CSMD1: variants seen among roughly 807,000 people sequenced by gnomAD.
The protein encoded by CSMD1 is CUB and Sushi multiple domains 1, also known as CUB and sushi domain-containing protein 1.
CSMD1 carries 213 observed loss-of-function variants against 417.5 expected under a neutral mutation model. That is an observed-to-expected ratio of 0.51 (90% CI 0.46 to 0.57). The LOEUF (loss-of-function observed/expected upper bound fraction) is 0.57, where lower values mean the gene tolerates loss of function less well. Among genes scored for constraint, CSMD1 ranks in the 20% least tolerant of loss-of-function variants. CSMD1 has a pLI of 0.00. For synonymous variants in CSMD1, 2,862 were observed against 1,736.8 expected (o/e 1.65, Z -16.11); for missense variants, 6,923 against 4,529.7 (o/e 1.53, Z -15.17).
Position 2,938,736 on chromosome 8 carries a change from G to A in CSMD1, c.10544C>T (p.Pro3515Leu). 1 of 1,607,052 alleles carries A rather than the reference G, an allele frequency of 6.2e-7. No individual in the cohort carries two copies. Among genetic ancestry groups the A allele is most frequent in the Non-Finnish European group, 8.5e-7 (1 of 1,176,438 alleles). The change falls in exon 70 of 70, where the codon CCA becomes CTA. Residue 3515 changes from proline to leucine, a missense_variant. Pro to Leu is a moderately conservative substitution (Grantham distance 98). Transcript: ENST00000635120. The part of the protein sequence containing the change: ...AFYLYKHRTR[P>L]KVQYNGYAGH... ...AGCATAGCCATTGTATTGAACTTTT[G>A]GTCTCGTTCTAAGGAAAACAGAAAA...
rs181626354 is a variant in CSMD1 at position 4,580,151 on chromosome 8, C to T, written c.302+57191G>A. ...AAACACCTATGTGGCCCTGACTGTA[C>T]CAGGCACTGCTTTCAACTGTTATGT... is the stretch of plus-strand genomic sequence containing the variant. On this transcript the variant is annotated intron_variant, in intron 2 of 69. Transcript: ENST00000635120. Among the ~76,000 whole-genome samples, 30 of 152,236 alleles carry T rather than the reference C, an allele frequency of 2.0e-4. No homozygotes were observed. The East Asian group carries it at 3.3e-3, about 17-fold the overall frequency.
At chr8:4,837,128 C>G (rs888522965) in intron 1 of CSMD1, among the ~76,000 whole-genome samples, 1 of 151,878 alleles carries the variant, frequency 6.6e-6, no homozygotes, top group Non-Finnish European at 1.5e-5. Flanking sequence ...CTAATAGATC[C>G]AAATAATGTT....
At chr8:4,175,402 A>G (rs1797986280) in intron 3 of CSMD1, among the ~76,000 whole-genome samples, 1 of 152,234 alleles carries the variant, frequency 6.6e-6, no homozygotes. Flanking sequence ...TACCTGCGCT[A>G]TACTTTTATT....
At chr8:4,585,805 C>G (rs979051907) in intron 2 of CSMD1, among the ~76,000 whole-genome samples, 1 of 152,092 alleles carries the variant, frequency 6.6e-6, no homozygotes, top group Non-Finnish European at 1.5e-5. Flanking sequence ...TAAATTAAAT[C>G]TGAGTAAATA....
At chr8:4,742,105 A>T (rs1397024681) in intron 1 of CSMD1, among the ~76,000 whole-genome samples, 3 of 133,498 alleles carry the variant, frequency 2.2e-5, no homozygotes, top group Non-Finnish European at 4.6e-5. Context: ...ATCTCGGCTC[A>T]CTGCAAGCTC....
Position 3,835,293 on chromosome 8 carries a change from C to T in CSMD1, c.819-81251G>A, listed in dbSNP as rs1802616018. ...CATATGTTTACTGCGGCACTATTCA[C>T]AATAGCAAAGACTTGGAACCATCCC... is the stretch of plus-strand genomic sequence containing the variant. On this transcript the variant is annotated intron_variant, in intron 5 of 69. Coordinates refer to ENST00000635120, the MANE Select transcript of CSMD1 (RefSeq NM_033225.6). 2.0e-5 allele frequency among the ~76,000 whole-genome samples: 3 copies of T among 152,022 alleles called. No homozygotes were observed. The South Asian group carries it at 6.2e-4, about 32-fold the overall frequency.
chr8:4,238,424 C>A (rs1355901219), intron 3 of CSMD1, among the ~76,000 whole-genome samples: 4 of 152,126 alleles, frequency 2.6e-5, no homozygotes, highest in South Asian at 4.1e-4. Context: ...CCTAGAGTCA[C>A]AAATCAATAC....
rs115165410 is a variant in CSMD1 at position 3,336,245 on chromosome 8, C to A, written c.3631+7049G>T. ...TGTGTGAGTTACAATACATGCTAAT[C>A]AGTCCCTTTGCAACTTGGGGTATTA... On this transcript the variant is annotated intron_variant, in intron 23 of 69. Transcript: ENST00000635120. Among the ~76,000 whole-genome samples the A allele has an allele frequency of 2.9e-3, 441 of 152,224 alleles. 2 individuals are homozygous for A. The highest frequency in any genetic ancestry group is 0.01 in the African/African-American group (430 of 41,548).
chr8:4,908,628 C>T (rs1261535222), intron 1 of CSMD1, among the ~76,000 whole-genome samples: 1 of 151,830 alleles, frequency 6.6e-6, no homozygotes, highest in African/African-American at 2.4e-5. Flanking sequence ...CTTTTCTAGG[C>T]TATATTCAGT....
chr8:4,090,435 A>AT (rs1192168257), intron 3 of CSMD1, among the ~76,000 whole-genome samples: 1 of 151,958 alleles, frequency 6.6e-6, no homozygotes, highest in Non-Finnish European at 1.5e-5. Context: ...GACGTGTTTA[A>AT]TTTTTTTAAG....
intron 25 of CSMD1, among the ~76,000 whole-genome samples, chr8:3,299,434 A>T (rs1804219758): frequency 6.6e-6 from 1 of 152,200 alleles, no homozygotes; most frequent in Non-Finnish European, 1.5e-5. Flanking sequence ...CCTGGGGGAC[A>T]AGAGCAACAC....
intron 1 of CSMD1, among the ~76,000 whole-genome samples, chr8:4,967,283 G>A (rs951124144): frequency 6.6e-6 from 1 of 152,168 alleles, no homozygotes; most frequent in African/African-American, 2.4e-5. Flanking sequence ...TCTCTTGTCT[G>A]TAGCCATTTC....
At chr8:2,981,778 C>T (rs909334754) in intron 54 of CSMD1, among the ~76,000 whole-genome samples, 5 of 152,080 alleles carry the variant, frequency 3.3e-5, no homozygotes, top group South Asian at 2.1e-4. Flanking sequence ...AAATTAATAC[C>T]GGGATCAATA....
At chr8:3,638,485 G>C (rs376446592) in intron 7 of CSMD1, among the ~76,000 whole-genome samples, 1 of 151,994 alleles carries the variant, frequency 6.6e-6, no homozygotes, top group Non-Finnish European at 1.5e-5. Flanking sequence ...ACCTGGAGAC[G>C]TGATGATAAT....
At chr8:3,998,242 A>C in intron 4 of CSMD1, 132 bp from the exon 5 acceptor site, 1 of 696,406 alleles carries the variant, frequency 1.4e-6, no homozygotes, top group South Asian at 1.9e-5. Flanking sequence ...TCAATCTGAA[A>C]AAGAATCTTT....
At chr8:2,960,253 C>T (rs1228908184) in intron 62 of CSMD1, among the ~76,000 whole-genome samples, 2 of 152,112 alleles carry the variant, frequency 1.3e-5, no homozygotes, top group Non-Finnish European at 2.9e-5. Context: ...AGAAAATGTG[C>T]TAGAGTCAGT....
At chr8:3,577,765 C>T (rs1800212645) in intron 9 of CSMD1, among the ~76,000 whole-genome samples, 1 of 152,222 alleles carries the variant, frequency 6.6e-6, no homozygotes, top group African/African-American at 2.4e-5. Flanking sequence ...CCAACCTAAT[C>T]ATCTGCTTCT....
At chr8:4,967,485 T>C (rs929567077) in intron 1 of CSMD1, among the ~76,000 whole-genome samples, 1 of 152,196 alleles carries the variant, frequency 6.6e-6, no homozygotes, top group Non-Finnish European at 1.5e-5. Context: ...AGGTGTTCTA[T>C]GTACACACTC....
At chr8:4,540,981 T>A (rs755515412) in intron 2 of CSMD1, among the ~76,000 whole-genome samples, 1 of 152,150 alleles carries the variant, frequency 6.6e-6, no homozygotes, top group Non-Finnish European at 1.5e-5. Flanking sequence ...AGGTAAAGGG[T>A]CTGAAACATG....
Sources: gnomAD v4.1 joint callset for allele counts (sites outside exome capture counted in the v4.1 genomes callset) on GRCh38, gnomAD v4.1.1 for gene constraint, MANE v1.5 for transcripts, NCBI Gene and HGNC (gene_info 2026-07-23, HGNC 2026-07-21) for gene names.